Variants in DPP10 observed in about 807,000 individuals in gnomAD.
DPP10 encodes inactive dipeptidyl peptidase 10.
A neutral mutation model predicts 120.9 loss-of-function variants in DPP10; 33 were observed. That is an observed-to-expected ratio of 0.27 (90% CI 0.21 to 0.37). The LOEUF (loss-of-function observed/expected upper bound fraction) is 0.37. DPP10 is among the 10% of genes least tolerant of loss of function. The pLI, the probability that DPP10 is intolerant of heterozygous loss-of-function variation, is 1.00. For missense variants in DPP10, 816 were observed against 942.8 expected (o/e 0.87, Z 1.76); for synonymous variants, 337 against 326.1 (o/e 1.03, Z -0.36).
rs183850768 is a variant in DPP10 at position 115,036,534 on chromosome 2, G to A, written c.61-272705G>A. ...ACTTTATAAGTGGCTTTTGATTATCGCACCATTGTAAAGGGATACCAAAGG... is the reference window on the plus strand; with the variant it reads ...ACTTTATAAGTGGCTTTTGATTATCACACCATTGTAAAGGGATACCAAAGG... On this transcript the variant is annotated intron_variant, in intron 1 of 25. Transcript: ENST00000410059. Among the ~76,000 whole-genome samples the A allele has an allele frequency of 1.2e-4, 18 of 152,050 alleles. 1 individual carries two copies. The South Asian group carries it at 2.7e-3, about 23-fold the overall frequency.
chr2:115,311,055 AT>A (rs1244414779), intron 2 of DPP10, among the ~76,000 whole-genome samples: 1 of 151,984 alleles, frequency 6.6e-6, no homozygotes, highest in African/African-American at 2.4e-5. Context: ...ACCCTTTTCA[AT>A]TTTTCCCAGT....
At chr2:114,531,774 T>C (rs996284111) in intron 1 of DPP10, among the ~76,000 whole-genome samples, 5 of 152,052 alleles carry the variant, frequency 3.3e-5, no homozygotes, top group Non-Finnish European at 5.9e-5. Flanking sequence ...GCTTATTTGC[T>C]TATTGTTACT....
At chr2:114,684,383 A>G (rs1018211352) in intron 1 of DPP10, among the ~76,000 whole-genome samples, 12 of 151,996 alleles carry the variant, frequency 7.9e-5, no homozygotes, top group African/African-American at 2.7e-4. Flanking sequence ...TCTAAAAGAA[A>G]TGAATTCTGC....
intron 1 of DPP10, among the ~76,000 whole-genome samples, chr2:114,500,780 G>T (rs1202369427): frequency 2.0e-5 from 3 of 152,220 alleles, no homozygotes; most frequent in Non-Finnish European, 4.4e-5. Context: ...AAACACTGTT[G>T]TCTTTGGAAT....
At position 115,402,854 on chromosome 2, in the gene DPP10, A is replaced by ATATATATATATAT. The variant is rs1553584380; in HGVS notation, c.271+58942_271+58943insTATATATATATAT. ...AGGACACTACAAGGAAAAAAAAAAA[A>ATATATATATATAT]ATATATATATATATATATATATGTG... is the stretch of plus-strand genomic sequence containing the variant. On this transcript the variant is annotated intron_variant, in intron 3 of 25. Transcript: ENST00000410059. 2.7e-3 allele frequency among the ~76,000 whole-genome samples: 262 copies of ATATATATATATAT among 97,564 alleles called. 2 individuals carry two copies. The highest frequency in any genetic ancestry group is 0.01 in the African/African-American group (255 of 25,370). The allele number at this position is 97,564 out of a possible 152,430, so 64.0% of individuals were successfully genotyped here.
At chr2:115,439,280 G>A (rs1005358109) in intron 3 of DPP10, among the ~76,000 whole-genome samples, 4 of 151,914 alleles carry the variant, frequency 2.6e-5, no homozygotes, top group African/African-American at 9.7e-5. Flanking sequence ...GGTCATGGGA[G>A]CACAGTGTGG....
intron 1 of DPP10, among the ~76,000 whole-genome samples, chr2:114,609,460 G>C (rs785036): frequency 0.44 from 67,174 of 151,890 alleles, 16,400 homozygotes; most frequent in African/African-American, 0.67. Context: ...GGGTGGGGTG[G>C]TCCCAGCGGT....
intron 1 of DPP10, among the ~76,000 whole-genome samples, chr2:115,211,586 T>TC (rs1015364401): frequency 2.0e-5 from 3 of 152,116 alleles, no homozygotes; most frequent in Non-Finnish European, 4.4e-5. Flanking sequence ...TGTTTTTTTT[T>TC]CTTTTCTCCT....
intron 19 of DPP10, among the ~76,000 whole-genome samples, chr2:115,805,199 C>G (rs576275356): frequency 6.6e-6 from 1 of 152,080 alleles, no homozygotes. Flanking sequence ...TAGCAATCAG[C>G]GAGGCTCGGT....
intron 5 of DPP10, among the ~76,000 whole-genome samples, chr2:115,625,685 A>G (rs947737776): frequency 6.6e-6 from 1 of 152,118 alleles, no homozygotes; most frequent in Non-Finnish European, 1.5e-5. Context: ...TTAGGCATGT[A>G]ACATGAAGGA....
intron 3 of DPP10, among the ~76,000 whole-genome samples, chr2:115,380,146 G>A (rs1209483711): frequency 6.6e-6 from 1 of 152,196 alleles, no homozygotes; most frequent in Admixed American, 6.5e-5. Context: ...AATGTTGACA[G>A]TGGGGTGTTA....
chr2:114,475,204 T>G (rs1680271303), intron 1 of DPP10, among the ~76,000 whole-genome samples: 1 of 152,280 alleles, frequency 6.6e-6, no homozygotes, highest in Non-Finnish European at 1.5e-5. Context: ...TCCCAGATTT[T>G]TAAAAAACAC....
intron 1 of DPP10, among the ~76,000 whole-genome samples, chr2:114,599,866 C>T (rs992544749): frequency 2.0e-5 from 3 of 151,540 alleles, no homozygotes; most frequent in African/African-American, 7.3e-5. Context: ...CAGTGTAGTT[C>T]ATGATTTTTT....
intron 1 of DPP10, among the ~76,000 whole-genome samples, chr2:114,956,986 C>CAAAAAA (rs764400761): frequency 9.3e-6 from 1 of 106,970 alleles, no homozygotes. Flanking sequence ...TAAAACTATT[C>CAAAAAA]AAAAAAAAAA....
chr2:114,801,936 C>T (rs571945072), intron 1 of DPP10, among the ~76,000 whole-genome samples: 3 of 150,874 alleles, frequency 2.0e-5, no homozygotes, highest in Non-Finnish European at 4.4e-5. Context: ...TTATCAGTTC[C>T]CAAATTTCTA....
chr2:115,562,480 C>T (rs1388712088), intron 5 of DPP10, among the ~76,000 whole-genome samples: 8 of 152,186 alleles, frequency 5.3e-5, no homozygotes. Flanking sequence ...GTTCCACACT[C>T]ATTTTTTCTG....
chr2:114,496,052 G>A (rs188126269), intron 1 of DPP10, among the ~76,000 whole-genome samples: 69 of 152,258 alleles, frequency 4.5e-4, no homozygotes, highest in Non-Finnish European at 3.4e-4. Context: ...TTTAACAGAG[G>A]AAAGTTATTA....
At chr2:115,616,778 T>TA (rs1338288890) in intron 5 of DPP10, among the ~76,000 whole-genome samples, 1 of 152,024 alleles carries the variant, frequency 6.6e-6, no homozygotes, top group Non-Finnish European at 1.5e-5. Context: ...TTTTAATTTC[T>TA]AAAAAATGCT....
At chr2:115,077,248 CTTA>C (rs1451441341) in intron 1 of DPP10, among the ~76,000 whole-genome samples, 4 of 152,078 alleles carry the variant, frequency 2.6e-5, no homozygotes, top group Non-Finnish European at 5.9e-5. Context: ...TTTAATCTGT[CTTA>C]TTCATTCATT....
Sources: allele counts gnomAD v4.1 joint callset (sites outside exome capture counted in the v4.1 genomes callset), GRCh38; gene constraint gnomAD v4.1.1; transcripts MANE v1.5; gene names NCBI Gene and HGNC (gene_info 2026-07-23, HGNC 2026-07-21).